PRKDC: variants seen among roughly 807,000 people sequenced by gnomAD.
PRKDC encodes protein kinase, DNA-activated, catalytic subunit.
Under a neutral mutation model 486.9 loss-of-function variants are expected in PRKDC, and 82 were observed. That is an observed-to-expected ratio of 0.17 (90% CI 0.14 to 0.20). The LOEUF (loss-of-function observed/expected upper bound fraction) is 0.20. PRKDC is among the 10% of genes least tolerant of loss of function. The probability of loss-of-function intolerance (pLI) is 1.00; values close to 1 mark genes in which losing one functional copy is unlikely to be tolerated. For missense variants in PRKDC, 4,504 were observed against 5,038.2 expected, an observed-to-expected ratio of 0.89 and a Z score of 3.21; for synonymous variants, 1,895 against 1,837.0, an observed-to-expected ratio of 1.03 and a Z score of -0.81.
In PRKDC at chr8:47,830,694, C is replaced by T. The variant is rs764298664; in HGVS notation, c.8308G>A (p.Val2770Ile). The change falls in exon 61 of 86, where the codon GTT becomes ATT. Residue 2770 changes from valine (V) to isoleucine (I), a missense_variant. By Grantham distance (29) the Val-to-Ile change is conservative. Coordinates refer to ENST00000314191, the MANE Select transcript of PRKDC (RefSeq NM_006904.7). Reference protein sequence around the residue: ...ELKMKQDAQVVLYRSYRHGDL... With the variant: ...ELKMKQDAQVILYRSYRHGDL... Reference sequence around the variant, plus strand: ...CCGTGCCGGTAGCTTCTGTACAGAACGACCTGGGCATCCTGCTTCATTTTT... The same window carrying T: ...CCGTGCCGGTAGCTTCTGTACAGAATGACCTGGGCATCCTGCTTCATTTTT... The T allele has an allele frequency of 1.7e-5, 28 of 1,613,950 alleles. No homozygotes were observed. Among genetic ancestry groups the T allele is most frequent in the Admixed American group, 6.7e-5 (4 of 60,020 alleles).
rs11311765 is a variant in PRKDC at position 47,819,513 on chromosome 8, T to TAAA, written c.9337-6_9337-4dup. ...AGGACATCAATACTAGAATAATTCT[T>TAAA]AAAAAAAAAAAAAAAAAAAAAGGGC... On this transcript the variant is annotated splice_region_variant and splice_polypyrimidine_tract_variant and intron_variant, in intron 66 of 85. Coordinates refer to ENST00000314191, the MANE Select transcript of PRKDC (RefSeq NM_006904.7). 1.3e-3 allele frequency: 718 copies of TAAA among 550,260 alleles called. No homozygotes were observed. The highest frequency in any genetic ancestry group is 3.3e-3 in the South Asian group (64 of 19,474). 34.1% of individuals were successfully genotyped at this position (550,260 alleles called of 1,614,324 possible).
chr8:47,877,656 A>G, intron 40 of PRKDC, 68 bp downstream of exon 40: 2 of 1,382,006 alleles, frequency 1.4e-6, no homozygotes, highest in Non-Finnish European at 1.9e-6. Flanking sequence ...TTTTTGGAAC[A>G]GAGAGGATAA....
intron 15 of PRKDC, 51 bp downstream of exon 15, chr8:47,933,914 G>A: frequency 2.0e-6 from 3 of 1,536,864 alleles, no homozygotes; most frequent in Non-Finnish European, 2.7e-6. Flanking sequence ...AAACTATGGA[G>A]ACTAATAAAG....
intron 76 of PRKDC, among the ~76,000 whole-genome samples, chr8:47,787,507 G>T (rs537747403): frequency 6.6e-6 from 1 of 152,344 alleles, no homozygotes; most frequent in Admixed American, 6.5e-5. Context: ...TTGAACGAAT[G>T]CAAGTTATTT....
At chr8:47,847,067 C>T (rs1202603390) in intron 54 of PRKDC, among the ~76,000 whole-genome samples, 2 of 152,056 alleles carry the variant, frequency 1.3e-5, no homozygotes, top group Non-Finnish European at 2.9e-5. Context: ...GCCATTCTGC[C>T]CAAAGCAATC....
rs1589788143 is a variant in PRKDC, at chr8:47,913,800, C to A, written c.2781+101G>T. The A allele has an allele frequency of 6.9e-6, 8 of 1,163,284 alleles. No individual in the cohort carries two copies. The East Asian group carries it at 2.2e-4, about 31-fold the overall frequency. 72.1% of individuals were successfully genotyped at this position (1,163,284 alleles called of 1,614,324 possible). The stretch of plus-strand genomic sequence containing the variant: ...CTATATTACAGAAAATACAAAATTA[C>A]TAATATTGGAATGGCTGAAACATGT... On this transcript the variant is annotated intron_variant, in intron 24 of 85. Coordinates refer to ENST00000314191, the MANE Select transcript of PRKDC (RefSeq NM_006904.7).
intron 80 of PRKDC, 123 bp from the exon 81 acceptor site, chr8:47,779,216 T>G: frequency 1.5e-6 from 1 of 672,500 alleles, no homozygotes; most frequent in Non-Finnish European, 2.5e-6. Context: ...AATAAGACTT[T>G]TAACCATATT....
Position 47,825,504 on chromosome 8 carries a change from C to CAAAAAAAAAAAAAAAAA in PRKDC, c.8783+1135_8783+1151dup, listed in dbSNP as rs397891351. ...AACTGGCGACAGAGCAAGACTGTCTCAAAAAAAAAAAAAAAAAAAAAAAAA... is the reference window on the plus strand; with the variant it reads ...AACTGGCGACAGAGCAAGACTGTCTCAAAAAAAAAAAAAAAAAAAAAAAAAAAAAAAAAAAAAAAAAA... On this transcript the variant is annotated intron_variant, in intron 63 of 85. Transcript: ENST00000314191. Among the ~76,000 whole-genome samples the CAAAAAAAAAAAAAAAAA allele has an allele frequency of 2.9e-4, 3 of 10,256 alleles. 1 individual carries two copies. The highest frequency in any genetic ancestry group is 1.1e-3 in the African/African-American group (3 of 2,772). 6.7% of individuals were successfully genotyped at this position (10,256 alleles called of 152,430 possible).
chr8:47,820,991 T>C, intron 65 of PRKDC, 48 bp from the exon 66 acceptor site: 1 of 1,137,644 alleles, frequency 8.8e-7, no homozygotes, highest in South Asian at 2.0e-5. Context: ...CCAATTTGAG[T>C]ATGTCTAATT....
chr8:47,856,209 A>G (rs1371828547), intron 49 of PRKDC, among the ~76,000 whole-genome samples: 1 of 151,832 alleles, frequency 6.6e-6, no homozygotes, highest in Non-Finnish European at 1.5e-5. Context: ...AGCTCCACGT[A>G]TTTTTTTGTG....
At chr8:47,883,467 T>C (rs1280231491) in intron 36 of PRKDC, among the ~76,000 whole-genome samples, 2 of 152,142 alleles carry the variant, frequency 1.3e-5, no homozygotes, top group Non-Finnish European at 1.5e-5. Flanking sequence ...AGCCTTTGCT[T>C]CTGGGCTCCT....
intron 16 of PRKDC, among the ~76,000 whole-genome samples, chr8:47,931,972 G>A (rs1162151533): frequency 6.6e-6 from 1 of 151,082 alleles, no homozygotes; most frequent in Non-Finnish European, 1.5e-5. Context: ...CTCACTGCAA[G>A]CTCCGCCTCC....
chr8:47,878,981 G>A (rs553418052), intron 39 of PRKDC, among the ~76,000 whole-genome samples: 14 of 152,306 alleles, frequency 9.2e-5, no homozygotes, highest in African/African-American at 3.1e-4. Flanking sequence ...TTTCAGATAA[G>A]GGATGCTCAA....
chr8:47,827,258 T>G lies in PRKDC; in HGVS notation c.8578-397A>C, dbSNP rs8178199. Reference sequence around the variant, plus strand: ...CATCAAAAAGAATAAAACAAAAAACTAAGTATTTCATTTCAGAAAAGTATT... The same window carrying G: ...CATCAAAAAGAATAAAACAAAAAACGAAGTATTTCATTTCAGAAAAGTATT... On this transcript the variant is annotated intron_variant, in intron 62 of 85. Transcript: ENST00000314191. Among the ~76,000 whole-genome samples the G allele has an allele frequency of 4.0e-3, 600 of 151,546 alleles. 3 individuals carry two copies. The highest frequency in any genetic ancestry group is 0.024 in the South Asian group (115 of 4,800).
Position 47,927,797 on chromosome 8 carries a change from C to T in PRKDC, c.2233G>A (p.Val745Ile), listed in dbSNP as rs761669233. The T allele has an allele frequency of 6.3e-7, 1 of 1,581,604 alleles. No homozygotes were observed. Among genetic ancestry groups the T allele is most frequent in the Non-Finnish European group, 8.6e-7 (1 of 1,166,706 alleles). ...TGCAGTGCAGGAACGTAGGCTCTAACATCGAGTTCAATGATGTTGTGTGGC... is the reference window on the plus strand; with the variant it reads ...TGCAGTGCAGGAACGTAGGCTCTAATATCGAGTTCAATGATGTTGTGTGGC... The part of the protein sequence containing the change: ...SLPHNIIELD[V>I]RAYVPALQMA... Residue 745 changes from valine (V) to isoleucine (I), a missense_variant, in exon 20 of 86, where the codon GTT (valine) becomes ATT (isoleucine). Coordinates refer to ENST00000314191, the MANE Select transcript of PRKDC (RefSeq NM_006904.7).
chr8:47,888,426 T>C (rs1412278439), intron 34 of PRKDC, 92 bp downstream of exon 34: 8 of 1,155,214 alleles, frequency 6.9e-6, no homozygotes, highest in Non-Finnish European at 9.2e-6. Context: ...GCATGCTCAA[T>C]ACATAAAGGA....
chr8:47,878,400 T>C (rs2089136604), intron 39 of PRKDC, among the ~76,000 whole-genome samples: 1 of 152,178 alleles, frequency 6.6e-6, no homozygotes, highest in South Asian at 2.1e-4. Flanking sequence ...CCACTGTACC[T>C]AGCCCCTATT....
Position 47,893,279 on chromosome 8 carries a change from A to T in PRKDC, c.3707T>A (p.Leu1236Gln). 1 of 1,611,596 alleles carries T rather than the reference A, an allele frequency of 6.2e-7. No individual in the cohort carries two copies. The highest frequency in any genetic ancestry group is 8.5e-7 in the Non-Finnish European group (1 of 1,178,548). ...AAGGTACAAGAGGGTGGGCTGGGCC[A>T]GGATGCCCGAGGGCTGGCCACAGCC... ...GGGCGQPSGI[L>Q]AQPTLLYLRG... Residue 1236 changes from leucine to glutamine, a missense_variant, in exon 31 of 86, where the codon CTG becomes CAG. By Grantham distance (113) the Leu-to-Gln change is moderately radical (BLOSUM62 -2). Coordinates refer to ENST00000314191, the MANE Select transcript of PRKDC (RefSeq NM_006904.7).
chr8:47,786,341 G>A (rs1442329560), intron 76 of PRKDC, among the ~76,000 whole-genome samples: 1 of 151,954 alleles, frequency 6.6e-6, no homozygotes, highest in African/African-American at 2.4e-5. Flanking sequence ...GAATCCGGGA[G>A]GCGGAGGTTG....
Sources: allele counts gnomAD v4.1 joint callset (sites outside exome capture counted in the v4.1 genomes callset), GRCh38; gene constraint gnomAD v4.1.1; transcripts MANE v1.5; gene names NCBI Gene and HGNC (gene_info 2026-07-23, HGNC 2026-07-21).